THSD7B: variants seen among roughly 807,000 people sequenced by gnomAD.
The protein encoded by THSD7B is thrombospondin type 1 domain containing 7B.
Under a neutral mutation model 213.6 loss-of-function variants are expected in THSD7B, and 138 were observed. That is an observed-to-expected ratio of 0.65 (90% confidence interval 0.56 to 0.74). THSD7B has a LOEUF of 0.74. Among genes scored for constraint, THSD7B ranks in the 30% least tolerant of loss-of-function variants. The pLI, the probability that THSD7B is intolerant of heterozygous loss-of-function variation, is 0.00. For synonymous variants in THSD7B, 742 were observed against 687.0 expected, an observed-to-expected ratio of 1.08 and a Z score of -1.25; for missense variants, 1,931 against 1,991.5, an observed-to-expected ratio of 0.97 and a Z score of 0.58.
intron 17 of THSD7B, among the ~76,000 whole-genome samples, chr2:137,604,108 T>A (rs899186694): frequency 9.2e-5 from 14 of 151,618 alleles, no homozygotes; most frequent in African/African-American, 2.4e-4. Context: ...CGAAAAAAAA[T>A]AATAATAATA....
chr2:137,445,370 G>T (rs1336029744), intron 14 of THSD7B, among the ~76,000 whole-genome samples: 1 of 152,006 alleles, frequency 6.6e-6, no homozygotes, highest in Non-Finnish European at 1.5e-5. Context: ...CCCATCAACA[G>T]ATGGCTGGAT....
chr2:137,666,489 G>A (rs1683449506), intron 26 of THSD7B, among the ~76,000 whole-genome samples: 1 of 151,744 alleles, frequency 6.6e-6, no homozygotes, highest in African/African-American at 2.4e-5. Flanking sequence ...GAAAGTAATT[G>A]TGATTTTATT....
chr2:136,934,060 T>A (rs187853878), intron 2 of THSD7B, among the ~76,000 whole-genome samples: 2 of 152,186 alleles, frequency 1.3e-5, no homozygotes, highest in African/African-American at 2.4e-5. Flanking sequence ...AAGGCATTAG[T>A]CTAATTAAAT....
In THSD7B at chr2:136,821,018, T is replaced by G. The variant is rs1258588046; in HGVS notation, c.-36+55331T>G. The stretch of plus-strand genomic sequence containing the variant: ...CTTACAGATAATTGCAAGAATAATA[T>G]TAGGTAGAACCGTATAAAATTACTA... On this transcript the variant is annotated intron_variant, in intron 1 of 27. Transcript: ENST00000409968. Among the ~76,000 whole-genome samples the G allele has an allele frequency of 2.6e-5, 4 of 152,174 alleles. No homozygotes were observed. The South Asian group carries it at 6.2e-4, about 24-fold the overall frequency.
At chr2:137,074,920 C>G (rs1434665254) in intron 3 of THSD7B, among the ~76,000 whole-genome samples, 3 of 152,234 alleles carry the variant, frequency 2.0e-5, no homozygotes, top group Non-Finnish European at 2.9e-5. Context: ...GGCCCCCACT[C>G]TCTTCTGGCT....
chr2:137,460,063 A>G (rs1687854664), intron 15 of THSD7B, among the ~76,000 whole-genome samples: 1 of 151,750 alleles, frequency 6.6e-6, no homozygotes, highest in South Asian at 2.1e-4. Flanking sequence ...GAAAGTAATC[A>G]CTCCTTGTCT....
At chr2:137,201,556 C>G (rs1680875904) in intron 7 of THSD7B, among the ~76,000 whole-genome samples, 1 of 152,070 alleles carries the variant, frequency 6.6e-6, no homozygotes, top group South Asian at 2.1e-4. Flanking sequence ...TATATTAAAA[C>G]ACATTGTACT....
intron 2 of THSD7B, among the ~76,000 whole-genome samples, chr2:136,907,704 T>C (rs1684187931): frequency 6.6e-6 from 1 of 152,242 alleles, no homozygotes; most frequent in African/African-American, 2.4e-5. Flanking sequence ...AGAATTTTTA[T>C]TTTGTGTTAA....
intron 4 of THSD7B, among the ~76,000 whole-genome samples, chr2:137,100,456 A>G (rs1371011047): frequency 6.6e-6 from 1 of 151,940 alleles, no homozygotes; most frequent in Non-Finnish European, 1.5e-5. Context: ...AAAAACTGCA[A>G]TTACTTTTGC....
intron 12 of THSD7B, among the ~76,000 whole-genome samples, chr2:137,347,369 C>A (rs1684897470): frequency 6.6e-6 from 1 of 151,358 alleles, no homozygotes; most frequent in Non-Finnish European, 1.5e-5. Context: ...CAGTAGTGTT[C>A]CATTGATTAA....
chr2:137,512,382 CTT>C (rs70978233), intron 15 of THSD7B, among the ~76,000 whole-genome samples: 77 of 81,352 alleles, frequency 9.5e-4, no homozygotes, highest in African/African-American at 4.4e-3. Flanking sequence ...CATTTATTTC[CTT>C]TTTTTTTTTT....
chr2:136,864,679 A>T (rs925587551), intron 1 of THSD7B, among the ~76,000 whole-genome samples: 9 of 152,124 alleles, frequency 5.9e-5, no homozygotes, highest in African/African-American at 2.2e-4. Context: ...CAGCCCCCCG[A>T]GTAGCTGGGA....
chr2:136,991,214 C>A (rs576591288), intron 2 of THSD7B, among the ~76,000 whole-genome samples: 1 of 152,162 alleles, frequency 6.6e-6, no homozygotes, highest in South Asian at 2.1e-4. Flanking sequence ...CAAAATAGAG[C>A]AAGTCAGGAT....
At chr2:137,293,774 C>A (rs889999755) in intron 12 of THSD7B, among the ~76,000 whole-genome samples, 1 of 152,060 alleles carries the variant, frequency 6.6e-6, no homozygotes, top group African/African-American at 2.4e-5. Context: ...TTACTGCTGC[C>A]AATTTAGTTT....
At chr2:136,932,168 C>T (rs981028736) in intron 2 of THSD7B, among the ~76,000 whole-genome samples, 1 of 151,864 alleles carries the variant, frequency 6.6e-6, no homozygotes, top group African/African-American at 2.4e-5. Flanking sequence ...GAAATTCAAA[C>T]CTAAACTCAA....
At chr2:137,360,714 C>T (rs1424293576) in intron 12 of THSD7B, among the ~76,000 whole-genome samples, 1 of 152,194 alleles carries the variant, frequency 6.6e-6, no homozygotes, top group Admixed American at 6.5e-5. Flanking sequence ...GAATCTCGAA[C>T]TGGGTGGAAC....
At chr2:137,445,426 G>A (rs1687517181) in intron 14 of THSD7B, among the ~76,000 whole-genome samples, 1 of 151,902 alleles carries the variant, frequency 6.6e-6, no homozygotes, top group Non-Finnish European at 1.5e-5. Context: ...TGTCCATGAA[G>A]AGAATGAAAT....
At chr2:137,019,843 A>G (rs1436899396) in intron 2 of THSD7B, among the ~76,000 whole-genome samples, 1 of 152,192 alleles carries the variant, frequency 6.6e-6, no homozygotes, top group Non-Finnish European at 1.5e-5. Flanking sequence ...TAGTGCAGGG[A>G]TAAAAGCACA....
chr2:137,332,824 G>A (rs1203182699), intron 12 of THSD7B, among the ~76,000 whole-genome samples: 1 of 152,168 alleles, frequency 6.6e-6, no homozygotes. Flanking sequence ...GCTGCCCTGT[G>A]AAGAGGTGCC....
Sources: allele counts gnomAD v4.1 joint callset (sites outside exome capture counted in the v4.1 genomes callset), GRCh38; gene constraint gnomAD v4.1.1; transcripts MANE v1.5; gene names NCBI Gene and HGNC (gene_info 2026-07-23, HGNC 2026-07-21).